The following NAALADL2 variants were observed in gnomAD, a reference collection of about 807,000 sequenced individuals.
The protein encoded by NAALADL2 is N-acetylated alpha-linked acidic dipeptidase like 2, also known as inactive N-acetylated-alpha-linked acidic dipeptidase-like protein 2.
A neutral mutation model predicts 87.2 loss-of-function variants in NAALADL2; 76 were observed. That is an observed-to-expected ratio of 0.87 (90% CI 0.72 to 1.05). The LOEUF (loss-of-function observed/expected upper bound fraction) is 1.05. Ranked by LOEUF, NAALADL2 falls within the 50% of genes least tolerant of loss-of-function variation. The probability of loss-of-function intolerance (pLI) is 0.00; values close to 1 mark genes in which losing one functional copy is unlikely to be tolerated. For synonymous variants in NAALADL2, 354 were observed against 331.0 expected (o/e 1.07, Z -0.75); for missense variants, 1,089 against 945.8 (o/e 1.15, Z -1.99).
intron 10 of NAALADL2, among the ~76,000 whole-genome samples, chr3:175,578,655 C>T (rs1434177505): frequency 1.3e-5 from 2 of 152,068 alleles, no homozygotes; most frequent in South Asian, 2.1e-4. Flanking sequence ...TAATAAATGG[C>T]CAAGACAGAT....
At chr3:175,443,782 GA>G in intron 5 of NAALADL2, among the ~76,000 whole-genome samples, 1 of 152,266 alleles carries the variant, frequency 6.6e-6, no homozygotes, top group East Asian at 1.9e-4. Context: ...TTGCTTTCAA[GA>G]ATTTATAGTT....
intron 9 of NAALADL2, among the ~76,000 whole-genome samples, chr3:175,546,728 G>GA (rs1713402944): frequency 6.6e-6 from 1 of 152,002 alleles, no homozygotes; most frequent in South Asian, 2.1e-4. Flanking sequence ...GGCTTATAGG[G>GA]TTTCAGCTGT....
intron 2 of NAALADL2, among the ~76,000 whole-genome samples, chr3:175,209,323 T>A (rs929401416): frequency 6.6e-6 from 1 of 152,130 alleles, no homozygotes; most frequent in Non-Finnish European, 1.5e-5. Context: ...GAAGTGATGC[T>A]ATATTCCGTC....
intron 5 of NAALADL2, among the ~76,000 whole-genome samples, chr3:175,432,878 A>T (rs982093728): frequency 6.6e-6 from 1 of 152,074 alleles, no homozygotes; most frequent in Non-Finnish European, 1.5e-5. Context: ...TTCATCAGCA[A>T]CTTACTTTTA....
intron 3 of NAALADL2, among the ~76,000 whole-genome samples, chr3:174,838,357 G>T (rs2109407111): frequency 6.6e-6 from 1 of 152,216 alleles, no homozygotes; most frequent in Admixed American, 6.5e-5. Context: ...GGTAATAGAA[G>T]CCACCTATGA....
intron 1 of NAALADL2, among the ~76,000 whole-genome samples, chr3:174,896,396 G>T (rs969689908): frequency 6.6e-5 from 10 of 151,804 alleles, no homozygotes; most frequent in Admixed American, 5.9e-4. Flanking sequence ...ATGTTAAAAA[G>T]AAATAAAAAG....
rs141520055 is a variant in NAALADL2 at position 175,355,282 on chromosome 3, G to A, written c.1090+30957G>A. ...GGGTTTCACCATGTTGCCCAGGCTG[G>A]TCTCGAACTCCTGACATCAAGTGAT... is the stretch of plus-strand genomic sequence containing the variant. On this transcript the variant is annotated intron_variant, in intron 5 of 13. Transcript: ENST00000454872. Among the ~76,000 whole-genome samples the A allele has an allele frequency of 7.2e-5, 11 of 151,986 alleles. No individual in the cohort carries two copies. The East Asian group carries it at 1.9e-3, about 27-fold the overall frequency.
intron 11 of NAALADL2, among the ~76,000 whole-genome samples, chr3:175,713,055 C>T (rs1420677657): frequency 6.6e-6 from 1 of 152,054 alleles, no homozygotes; most frequent in Non-Finnish European, 1.5e-5. Flanking sequence ...GGAAAACAAT[C>T]TAGACACAAT....
At chr3:174,522,985 A>C (rs1030143807) in intron 1 of NAALADL2, among the ~76,000 whole-genome samples, 1 of 151,052 alleles carries the variant, frequency 6.6e-6, no homozygotes, top group Non-Finnish European at 1.5e-5. Context: ...AGGAAAAGAA[A>C]CTCTAGAGAT....
intron 1 of NAALADL2, among the ~76,000 whole-genome samples, chr3:174,495,374 A>G (rs1022138367): frequency 6.6e-6 from 1 of 152,070 alleles, no homozygotes; most frequent in Non-Finnish European, 1.5e-5. Context: ...TACCAGTTCA[A>G]TTCAGTTCAA....
chr3:174,736,963 C>T (rs951487500), intron 2 of NAALADL2, among the ~76,000 whole-genome samples: 8 of 152,180 alleles, frequency 5.3e-5, no homozygotes, highest in East Asian at 1.9e-4. Context: ...CCCAAGCCTG[C>T]GCACACCCAG....
chr3:174,893,326 AGTT>A (rs1238819349), intron 1 of NAALADL2, among the ~76,000 whole-genome samples: 3 of 147,966 alleles, frequency 2.0e-5, no homozygotes, highest in African/African-American at 7.5e-5. Flanking sequence ...CCCCGCAAAA[AGTT>A]ATTATTGAGC....
intron 10 of NAALADL2, among the ~76,000 whole-genome samples, chr3:175,624,689 AAGGCAAAAGATATC>A (rs2149709422): frequency 6.6e-6 from 1 of 152,208 alleles, no homozygotes; most frequent in South Asian, 2.1e-4. Context: ...TTCAGTGATT[AAGGCAAAAGATATC>A]AGAGATTAGC....
intron 1 of NAALADL2, among the ~76,000 whole-genome samples, chr3:175,028,733 A>C (rs7612262): frequency 0.16 from 24,742 of 151,906 alleles, 2,260 homozygotes; most frequent in East Asian, 0.25. Context: ...GATATATTTC[A>C]GGATCTAAAT....
chr3:174,702,447 G>C (rs1173830124), intron 2 of NAALADL2, among the ~76,000 whole-genome samples: 1 of 152,034 alleles, frequency 6.6e-6, no homozygotes, highest in East Asian at 1.9e-4. Context: ...CTCTGTACCT[G>C]CTCTCAATCA....
intron 2 of NAALADL2, among the ~76,000 whole-genome samples, chr3:175,135,480 A>C (rs1042268357): frequency 6.6e-6 from 1 of 152,318 alleles, no homozygotes; most frequent in African/African-American, 2.4e-5. Context: ...CCAACACTAT[A>C]AAGCTTATAG....
intron 5 of NAALADL2, among the ~76,000 whole-genome samples, chr3:175,374,234 C>G (rs1024189308): frequency 6.6e-6 from 1 of 151,680 alleles, no homozygotes; most frequent in African/African-American, 2.4e-5. Context: ...ATCATAAATA[C>G]GTTTTCTTAT....
intron 1 of NAALADL2, among the ~76,000 whole-genome samples, chr3:174,919,516 C>A (rs2108344716): frequency 6.6e-6 from 1 of 152,214 alleles, no homozygotes; most frequent in African/African-American, 2.4e-5. Flanking sequence ...AAGATTTGAG[C>A]AATTCAGTCA....
At chr3:174,797,846 T>A (rs1718326824) in intron 3 of NAALADL2, among the ~76,000 whole-genome samples, 1 of 152,204 alleles carries the variant, frequency 6.6e-6, no homozygotes, top group African/African-American at 2.4e-5. Context: ...CATGTATTAT[T>A]TGAAGCACAA....
Sources: allele counts gnomAD v4.1 joint callset (sites outside exome capture counted in the v4.1 genomes callset), GRCh38; gene constraint gnomAD v4.1.1; transcripts MANE v1.5; gene names NCBI Gene and HGNC (gene_info 2026-07-23, HGNC 2026-07-21).